Variants in GAS7 observed in about 807,000 individuals in gnomAD.
The protein encoded by GAS7 is growth arrest-specific protein 7.
In GAS7, 28 loss-of-function variants were observed where a neutral mutation model predicts 71.1. That is an observed-to-expected ratio of 0.39 (90% CI 0.29 to 0.54). The LOEUF (loss-of-function observed/expected upper bound fraction) is 0.54, where lower values mean the gene tolerates loss of function less well. Among genes scored for constraint, GAS7 ranks in the 20% least tolerant of loss-of-function variants. GAS7 has a pLI of 0.62. For missense variants in GAS7, 436 were observed against 627.8 expected (o/e 0.69, Z 3.27); for synonymous variants, 258 against 245.8 (o/e 1.05, Z -0.46).
At chr17:10,021,449 CT>C (rs375442480) in intron 1 of GAS7, among the ~76,000 whole-genome samples, 1 of 152,238 alleles carries the variant, frequency 6.6e-6, no homozygotes, top group Non-Finnish European at 1.5e-5. Context: ...TGCTCGGGGA[CT>C]TTGAGTAAAC....
At chr17:9,967,352 G>A (rs1214888941) in intron 4 of GAS7, among the ~76,000 whole-genome samples, 1 of 152,104 alleles carries the variant, frequency 6.6e-6, no homozygotes, top group Non-Finnish European at 1.5e-5. Context: ...CTTCTTTGCT[G>A]TGGTGTCCCA....
intron 1 of GAS7, chr17:10,036,476 A>AG (rs1429084878): frequency 1.2e-6 from 2 of 1,613,730 alleles, no homozygotes; most frequent in African/African-American, 2.7e-5. Flanking sequence ...GCTACCTCAG[A>AG]GGAGAGTCTT....
chr17:10,037,363 C>T (rs146806905), intron 1 of GAS7, among the ~76,000 whole-genome samples: 4 of 152,332 alleles, frequency 2.6e-5, no homozygotes, highest in African/African-American at 7.2e-5. Flanking sequence ...GAGCAGCTGA[C>T]TATTTAGCAC....
chr17:10,180,807 C>T (rs1456749414), intron 1 of GAS7, among the ~76,000 whole-genome samples: 6 of 152,116 alleles, frequency 3.9e-5, no homozygotes, highest in Non-Finnish European at 8.8e-5. Context: ...AGCCAAGTAA[C>T]TACCATGGGC....
intron 6 of GAS7, among the ~76,000 whole-genome samples, 158 bp downstream of exon 6, chr17:9,946,736 C>A (rs1464710963): frequency 6.6e-6 from 1 of 152,212 alleles, no homozygotes; most frequent in Non-Finnish European, 1.5e-5. Context: ...CCAAGAGGGT[C>A]CTAAGTTCCT....
chr17:10,139,181 A>C (rs1235557697), intron 1 of GAS7, among the ~76,000 whole-genome samples: 1 of 152,254 alleles, frequency 6.6e-6, no homozygotes, highest in East Asian at 1.9e-4. Context: ...TTCCCACTAA[A>C]GACAGGAACA....
intron 1 of GAS7, among the ~76,000 whole-genome samples, chr17:10,150,480 T>C (rs2074156603): frequency 6.6e-6 from 1 of 151,394 alleles, no homozygotes; most frequent in African/African-American, 2.4e-5. Flanking sequence ...GTGAAGGTAG[T>C]GGGCTTTTGA....
intron 1 of GAS7, among the ~76,000 whole-genome samples, chr17:10,083,804 G>T (rs1281285125): frequency 6.6e-6 from 1 of 152,176 alleles, no homozygotes; most frequent in Non-Finnish European, 1.5e-5. Flanking sequence ...AAAGGTTAAA[G>T]CAAAGACACC....
chr17:9,976,421 C>T (rs1327579826), intron 3 of GAS7, among the ~76,000 whole-genome samples: 1 of 152,198 alleles, frequency 6.6e-6, no homozygotes, highest in Non-Finnish European at 1.5e-5. Flanking sequence ...TCGCAAGAAG[C>T]GAGGGTCTTC....
intron 1 of GAS7, 143 bp downstream of exon 1, chr17:10,198,065 G>A: frequency 1.4e-6 from 1 of 721,310 alleles, no homozygotes; most frequent in South Asian, 1.8e-5. Context: ...GGAGCGTGGA[G>A]CTACAGGTAG....
rs565133573 is a variant in GAS7 at position 10,151,133 on chromosome 17, A to T, written c.183+47075T>A. Reference sequence around the variant, plus strand: ...TGAGGTTCCCTGGACCTGACTTAAAAGCATATTTCCAGATGTCAGACTTCT... The same window carrying T: ...TGAGGTTCCCTGGACCTGACTTAAATGCATATTTCCAGATGTCAGACTTCT... On this transcript the variant is annotated intron_variant, in intron 1 of 13. Transcript: ENST00000432992. 2.6e-5 allele frequency among the ~76,000 whole-genome samples: 4 copies of T among 152,322 alleles called. No homozygotes were observed. In the South Asian group the frequency reaches 6.2e-4, roughly 24 times the overall value.
At chr17:9,971,384 C>T (rs1289495465) in intron 3 of GAS7, among the ~76,000 whole-genome samples, 1 of 152,024 alleles carries the variant, frequency 6.6e-6, no homozygotes, top group Non-Finnish European at 1.5e-5. Context: ...CACCGTGAGA[C>T]CTCATCTCTA....
At chr17:10,052,436 G>C (rs1456673625) in intron 1 of GAS7, among the ~76,000 whole-genome samples, 1 of 152,192 alleles carries the variant, frequency 6.6e-6, no homozygotes, top group Non-Finnish European at 1.5e-5. Flanking sequence ...GTCTAAGAGG[G>C]TGGGTAGGAA....
chr17:9,959,549 A>G lies in GAS7; in HGVS notation c.472-294T>C, dbSNP rs1597549632. On this transcript the variant is annotated intron_variant, in intron 4 of 13. Coordinates refer to ENST00000432992, the MANE Select transcript of GAS7 (RefSeq NM_201433.2). The surrounding 1 kb of genome is among the most constrained non-coding windows in gnomAD (Gnocchi z 5.0). ...TCTCAGTCTGTGATTTGGGGAGTTAACCCCTCCGCTGCCCTCTGCTGGTGA... is the reference window on the plus strand; with the variant it reads ...TCTCAGTCTGTGATTTGGGGAGTTAGCCCCTCCGCTGCCCTCTGCTGGTGA... 1 of 943,580 alleles carries G rather than the reference A, an allele frequency of 1.1e-6. No homozygotes were observed. The highest frequency in any genetic ancestry group is 3.1e-5 in the East Asian group (1 of 32,360). The allele number at this position is 943,580 out of a possible 1,614,324, so 58.5% of individuals were successfully genotyped here. A position where few individuals can be genotyped will look rare whatever the true frequency, so the allele number is the denominator to read the frequency against.
At chr17:9,930,635 C>A (rs777961516) in intron 9 of GAS7, among the ~76,000 whole-genome samples, 2 of 152,202 alleles carry the variant, frequency 1.3e-5, no homozygotes, top group African/African-American at 4.8e-5. Context: ...AGAAAAACCA[C>A]AAAAATTGCT....
chr17:9,986,445 C>T (rs113095646), intron 2 of GAS7, among the ~76,000 whole-genome samples: 20 of 152,292 alleles, frequency 1.3e-4, no homozygotes, highest in Admixed American at 9.8e-4. Context: ...CCAACCACTG[C>T]GGACCCAAAA....
chr17:10,013,038 G>T (rs2071838818), intron 2 of GAS7, among the ~76,000 whole-genome samples: 1 of 151,504 alleles, frequency 6.6e-6, no homozygotes, highest in Admixed American at 6.6e-5. Flanking sequence ...AGGAGATGGA[G>T]GTTGCAGTGA....
At chr17:10,182,449 C>A (rs1393113349) in intron 1 of GAS7, among the ~76,000 whole-genome samples, 22 of 152,186 alleles carry the variant, frequency 1.4e-4, no homozygotes, top group Non-Finnish European at 2.9e-5. Context: ...CATGAGGCAC[C>A]GCACCCGGCC....
intron 9 of GAS7, among the ~76,000 whole-genome samples, chr17:9,928,969 G>A (rs947755429): frequency 6.6e-6 from 1 of 152,198 alleles, no homozygotes; most frequent in African/African-American, 2.4e-5. Flanking sequence ...TCTCCTCCTC[G>A]TGTTAGTTGT....
Sources: allele counts gnomAD v4.1 joint callset (sites outside exome capture counted in the v4.1 genomes callset), GRCh38; gene constraint gnomAD v4.1.1; non-coding constraint Gnocchi (gnomAD v3.1); transcripts MANE v1.5; gene names NCBI Gene and HGNC (gene_info 2026-07-23, HGNC 2026-07-21).